CRTC3: variants seen among roughly 807,000 people sequenced by gnomAD.
The protein encoded by CRTC3 is CREB regulated transcription coactivator 3.
Under a neutral mutation model 74.5 loss-of-function variants are expected in CRTC3, and 26 were observed. The ratio of observed to expected loss-of-function variants is 0.35; its 90% CI spans 0.26 to 0.48. The LOEUF is 0.48. CRTC3 is among the 20% of genes least tolerant of loss of function. The probability of loss-of-function intolerance (pLI) is 0.99; values close to 1 mark genes in which losing one functional copy is unlikely to be tolerated. For synonymous variants in CRTC3, 377 were observed against 325.8 expected (o/e 1.16, Z -1.69); for missense variants, 760 against 787.3 (o/e 0.97, Z 0.41).
Position 90,603,421 on chromosome 15 carries a change from T to G in CRTC3, c.414-964T>G, listed in dbSNP as rs547169136. Among the ~76,000 whole-genome samples, 10 of 152,026 alleles carry G rather than the reference T, an allele frequency of 6.6e-5. No homozygotes were observed. The East Asian group carries it at 1.2e-3, about 18-fold the overall frequency. On this transcript the variant is annotated intron_variant, in intron 4 of 14. Coordinates refer to ENST00000268184, the MANE Select transcript of CRTC3 (RefSeq NM_022769.5). ...TCACGCCACTGCACTCCAGCCTGGGTGACAGAGCGAGACTCCATCTCAAAA... is the reference window on the plus strand; with the variant it reads ...TCACGCCACTGCACTCCAGCCTGGGGGACAGAGCGAGACTCCATCTCAAAA...
chr15:90,637,652 T>C (rs1398187191), intron 11 of CRTC3, among the ~76,000 whole-genome samples: 2 of 152,178 alleles, frequency 1.3e-5, no homozygotes, highest in African/African-American at 2.4e-5. Flanking sequence ...ATCTCGAAAG[T>C]AGAACCTTCC....
chr15:90,624,465 C>G (rs1395007719), intron 9 of CRTC3, among the ~76,000 whole-genome samples: 11 of 152,114 alleles, frequency 7.2e-5, no homozygotes, highest in Admixed American at 7.2e-4. Flanking sequence ...CTCTCCCTCC[C>G]CATGTGCCAC....
chr15:90,576,498 G>A (rs1292351946), intron 2 of CRTC3, among the ~76,000 whole-genome samples: 2 of 152,044 alleles, frequency 1.3e-5, no homozygotes, highest in African/African-American at 4.8e-5. Flanking sequence ...CTAGAAGAGT[G>A]TGGTCCAGTG....
At chr15:90,541,770 C>T (rs867755699) in intron 2 of CRTC3, among the ~76,000 whole-genome samples, 9 of 146,942 alleles carry the variant, frequency 6.1e-5, no homozygotes, top group African/African-American at 1.8e-4. Flanking sequence ...AATCCTTGGC[C>T]TTCCCAGGAT....
intron 2 of CRTC3, among the ~76,000 whole-genome samples, chr15:90,579,971 A>C (rs973534545): frequency 5.9e-5 from 9 of 152,128 alleles, no homozygotes; most frequent in Non-Finnish European, 1.3e-4. Flanking sequence ...CTAGTTTTAT[A>C]TTACATGCTG....
At chr15:90,601,510 G>A (rs769789547) in intron 3 of CRTC3, among the ~76,000 whole-genome samples, 7 of 152,104 alleles carry the variant, frequency 4.6e-5, no homozygotes, top group East Asian at 3.9e-4. Flanking sequence ...AAAATTAGCC[G>A]GGTGTGGTGG....
intron 2 of CRTC3, among the ~76,000 whole-genome samples, chr15:90,578,022 T>C (rs1278202490): frequency 2.0e-5 from 3 of 152,162 alleles, no homozygotes; most frequent in Non-Finnish European, 4.4e-5. Context: ...AGTTCTCCTG[T>C]CTCAGCCTCC....
chr15:90,535,455 C>A (rs888936142), intron 1 of CRTC3, among the ~76,000 whole-genome samples: 1 of 152,106 alleles, frequency 6.6e-6, no homozygotes, highest in Non-Finnish European at 1.5e-5. Flanking sequence ...GCTGTATTCT[C>A]AGGGTGCTGG....
intron 2 of CRTC3, among the ~76,000 whole-genome samples, chr15:90,561,190 G>T (rs767740484): frequency 5.9e-5 from 9 of 152,138 alleles, no homozygotes; most frequent in African/African-American, 9.7e-5. Flanking sequence ...TTAGAATAAT[G>T]CCCAGCACAG....
intron 2 of CRTC3, among the ~76,000 whole-genome samples, chr15:90,560,448 C>T (rs985840719): frequency 4.6e-5 from 7 of 152,226 alleles, no homozygotes; most frequent in Admixed American, 2.0e-4. Context: ...ACCAGGCATC[C>T]GTTGTCTTCC....
chr15:90,625,206 C>G, intron 9 of CRTC3: 1 of 146,496 alleles, frequency 6.8e-6, no homozygotes, highest in Admixed American at 6.0e-5. Context: ...CAGGAGTAGG[C>G]CTGACCCCGG....
chr15:90,531,404 C>T (rs1009224699), intron 1 of CRTC3, among the ~76,000 whole-genome samples: 1 of 152,090 alleles, frequency 6.6e-6, no homozygotes, highest in South Asian at 2.1e-4. Context: ...AGTTTGCCAC[C>T]GTCCACTCTC....
At chr15:90,587,505 C>T (rs946044941) in intron 2 of CRTC3, among the ~76,000 whole-genome samples, 1 of 152,234 alleles carries the variant, frequency 6.6e-6, no homozygotes, top group Non-Finnish European at 1.5e-5. Context: ...CATTTGATGT[C>T]TAGGTCCCAT....
intron 2 of CRTC3, among the ~76,000 whole-genome samples, chr15:90,553,568 T>C (rs1166481182): frequency 1.3e-5 from 2 of 152,138 alleles, no homozygotes; most frequent in Admixed American, 6.6e-5. Context: ...AAGCCTTTGT[T>C]TGAAATTATA....
intron 2 of CRTC3, among the ~76,000 whole-genome samples, chr15:90,579,030 T>A (rs947820039): frequency 6.6e-6 from 1 of 152,150 alleles, no homozygotes; most frequent in Non-Finnish European, 1.5e-5. Context: ...TGGTTTTGCA[T>A]ATGTAGATTC....
intron 6 of CRTC3, among the ~76,000 whole-genome samples, chr15:90,608,732 G>A (rs367811298): frequency 2.0e-5 from 3 of 152,180 alleles, no homozygotes; most frequent in African/African-American, 7.2e-5. Flanking sequence ...AGAGGAGCCC[G>A]TACTGATGGA....
At chr15:90,614,259 T>A in intron 6 of CRTC3, 194 bp from the exon 7 acceptor site, 1 of 508,852 alleles carries the variant, frequency 2.0e-6, no homozygotes, top group Non-Finnish European at 3.5e-6. Context: ...AGGAACCAAA[T>A]TTAGTTTCAA....
intron 2 of CRTC3, among the ~76,000 whole-genome samples, chr15:90,585,677 C>A (rs1967644061): frequency 6.6e-6 from 1 of 152,168 alleles, no homozygotes; most frequent in African/African-American, 2.4e-5. Flanking sequence ...CTTGGTTTCC[C>A]ATCTGTAGAA....
In CRTC3 at chr15:90,611,293, G is replaced by A. The variant is rs557579982; in HGVS notation, c.578-3160G>A. On this transcript the variant is annotated intron_variant, in intron 6 of 14. Transcript: ENST00000268184. Reference sequence around the variant, plus strand: ...TATTTTAGATTTGCCAGGCATGGGAGCACACAGAAGGAACATGGTCTCGGT... The same window carrying A: ...TATTTTAGATTTGCCAGGCATGGGAACACACAGAAGGAACATGGTCTCGGT... Among the ~76,000 whole-genome samples, 25 of 152,238 alleles carry A rather than the reference G, an allele frequency of 1.6e-4. No homozygotes were observed. The South Asian group carries it at 4.8e-3, about 29-fold the overall frequency.
Sources: allele counts gnomAD v4.1 joint callset (sites outside exome capture counted in the v4.1 genomes callset), GRCh38; gene constraint gnomAD v4.1.1; transcripts MANE v1.5; gene names NCBI Gene and HGNC (gene_info 2026-07-23, HGNC 2026-07-21).